Variants in UNK observed in about 807,000 individuals in gnomAD.
UNK encodes unk zinc finger.
UNK carries 32 observed loss-of-function variants against 97.6 expected under a neutral mutation model. The ratio of observed to expected loss-of-function variants is 0.33; its 90% CI spans 0.25 to 0.44. The LOEUF (loss-of-function observed/expected upper bound fraction) is 0.44, where lower values mean the gene tolerates loss of function less well. UNK is among the 20% of genes least tolerant of loss of function. UNK has a pLI of 1.00. For missense variants in UNK, 771 were observed against 1,098.4 expected, an observed-to-expected ratio of 0.70 and a Z score of 4.21; for synonymous variants, 441 against 461.2, an observed-to-expected ratio of 0.96 and a Z score of 0.56.
chr17:75,810,002 C>T (rs764182249), intron 2 of UNK, 33 bp downstream of exon 2: 36 of 1,609,616 alleles, frequency 2.2e-5, no homozygotes, highest in South Asian at 1.5e-4. Flanking sequence ...AGAGGAGCCC[C>T]GTGTCTCCTT....
At position 75,816,986 on chromosome 17, in the gene UNK, GC is replaced by G; in HGVS notation, c.1104+76del. 6.6e-7 allele frequency: 1 copy of G among 1,505,636 alleles called. No individual in the cohort carries two copies. The highest frequency in any genetic ancestry group is 1.2e-5 in the South Asian group (1 of 80,122). 93.3% of individuals were successfully genotyped at this position (1,505,636 alleles called of 1,614,324 possible). A position where few individuals can be genotyped will look rare whatever the true frequency, so the allele number is the denominator to read the frequency against. ...AATACTTGCCTCCTAGGCCCTTTCA[GC>G]CTGGGCTTGGGAGACCATCCTGGTA... On this transcript the variant is annotated intron_variant, in intron 8 of 15. Coordinates refer to ENST00000589666, the MANE Select transcript of UNK (RefSeq NM_001080419.3). This position sits in a 1 kb window ranked among gnomAD's most constrained non-coding sequence, Gnocchi z 4.0.
At chr17:75,810,824 C>A (rs761239493) in intron 2 of UNK, among the ~76,000 whole-genome samples, 8 of 152,090 alleles carry the variant, frequency 5.3e-5, no homozygotes, top group Middle Eastern at 3.4e-3. Flanking sequence ...TTAGTAGAGA[C>A]AGGGTTTCAC....
intron 1 of UNK, chr17:75,792,037 T>C: frequency 1.0e-6 from 1 of 985,438 alleles, no homozygotes; most frequent in Non-Finnish European, 1.2e-6. Flanking sequence ...CTCTTTCCTG[T>C]GTGTCTTAGA....
intron 1 of UNK, among the ~76,000 whole-genome samples, chr17:75,798,781 TG>T (rs962031974): frequency 6.6e-6 from 1 of 152,018 alleles, no homozygotes; most frequent in African/African-American, 2.4e-5. Flanking sequence ...TAAAGAGGGT[TG>T]CTTGCTGGGC....
intron 14 of UNK, 116 bp from the exon 15 acceptor site, chr17:75,823,149 A>T (rs2062084333): frequency 6.8e-7 from 1 of 1,469,356 alleles, no homozygotes; most frequent in Admixed American, 2.5e-5. Flanking sequence ...CCTCCCAGAG[A>T]GCCAACCCAG....
Position 75,812,121 on chromosome 17 carries a change from C to T in UNK, c.324C>T (p.Phe108=). 6.2e-7 allele frequency: 1 copy of T among 1,605,880 alleles called. No homozygotes were observed. Among genetic ancestry groups the T allele is most frequent in the South Asian group, 1.1e-5 (1 of 89,950 alleles). Reference sequence around the variant, plus strand: ...CACTACCGTGTTCCAGGTGCCCATTCCTGCACAGAACCACAGGGGACACTG... The same window carrying T: ...CACTACCGTGTTCCAGGTGCCCATTTCTGCACAGAACCACAGGGGACACTG... ...GLCPEGDECP[F]LHRTTGDTER... Residue 108 remains phenylalanine (F), a synonymous_variant, in exon 3 of 16, where the codon TTC becomes TTT. Transcript: ENST00000589666.
Position 75,824,277 on chromosome 17 carries a change from C to CCTTA in UNK, c.2293_2294insCTTA (p.Gln765ProfsTer2). 1 of 1,599,946 alleles carries CCTTA rather than the reference C, an allele frequency of 6.3e-7. No homozygotes were observed. The highest frequency in any genetic ancestry group is 8.5e-7 in the Non-Finnish European group (1 of 1,173,538). ...TTCCCTGCAGGCCGTGTTCCACATG[C>CCTTA]AGTCGGTGAAATGCCTTAAGTGTCA... On this transcript the variant is annotated stop_gained and frameshift_variant, in exon 16 of 16. Coordinates refer to ENST00000589666, the MANE Select transcript of UNK (RefSeq NM_001080419.3). LOFTEE classifies it high-confidence loss of function. This position sits in a 1 kb window ranked among gnomAD's most constrained non-coding sequence, Gnocchi z 4.9.
Position 75,818,133 on chromosome 17 carries a change from A to T in UNK, c.1336A>T (p.Arg446Trp). The T allele has an allele frequency of 6.2e-7, 1 of 1,613,516 alleles. No individual in the cohort carries two copies. Among genetic ancestry groups the T allele is most frequent in the Non-Finnish European group, 8.5e-7 (1 of 1,179,770 alleles). Residue 446 changes from arginine to tryptophan, a missense_variant, in exon 10 of 16, where the codon AGG (arginine) becomes TGG (tryptophan). By Grantham distance (101) the Arg-to-Trp change is moderately radical. Around this residue, in one of 5 missense-constraint regions of UNK, gnomAD observed 192 missense variants for 202.4 expected, o/e 0.95. Transcript: ENST00000589666. The surrounding 1 kb of genome is among the most constrained non-coding windows in gnomAD (Gnocchi z 5.1). ...AKLKPHSLEP[R>W]SQEQPLLQPK... ...ATTAAAACCCCACTCATTAGAGCCCAGGAGTCAAGAGCAGCCTCTGCTTCA... is the reference window on the plus strand; with the variant it reads ...ATTAAAACCCCACTCATTAGAGCCCTGGAGTCAAGAGCAGCCTCTGCTTCA...
At chr17:75,809,700 G>T in intron 1 of UNK, 60 bp from the exon 2 acceptor site, 1 of 1,533,520 alleles carries the variant, frequency 6.5e-7, no homozygotes, top group South Asian at 1.2e-5. Flanking sequence ...ACTTCTTGCT[G>T]GGAAGCAAGA....
chr17:75,812,451 C>A lies in UNK; in HGVS notation c.492-4C>A, dbSNP rs757252841. ...ACCCTCTCTGTTCTTTCCTCTCCTC[C>A]CAGGGAGCTTCAGGCCATGGAGGCC... On this transcript the variant is annotated splice_region_variant and splice_polypyrimidine_tract_variant and intron_variant, in intron 3 of 15. Transcript: ENST00000589666. The A allele has an allele frequency of 1.3e-5, 21 of 1,610,278 alleles. No individual in the cohort carries two copies. Among genetic ancestry groups the A allele is most frequent in the Admixed American group, 1.7e-5 (1 of 59,664 alleles).
chr17:75,820,139 C>T (rs2062053906), intron 13 of UNK, 31 bp downstream of exon 13: 18 of 1,584,152 alleles, frequency 1.1e-5, no homozygotes, highest in Non-Finnish European at 1.5e-5. Flanking sequence ...CTCAGGAGAA[C>T]TGGGGCAGGA....
intron 3 of UNK, 35 bp from the exon 4 acceptor site, chr17:75,812,420 C>G (rs2061977464): frequency 6.3e-7 from 1 of 1,598,140 alleles, no homozygotes; most frequent in South Asian, 1.1e-5. Flanking sequence ...CTCATGCCCC[C>G]TCTCCACCCT....
chr17:75,797,471 G>T (rs2061816848), intron 1 of UNK, among the ~76,000 whole-genome samples: 1 of 152,258 alleles, frequency 6.6e-6, no homozygotes, highest in Non-Finnish European at 1.5e-5. Flanking sequence ...CTGACCTCAG[G>T]CGATCCGCCC....
In UNK at chr17:75,809,749, T is replaced by C; in HGVS notation, c.105-11T>C. 3 of 1,596,778 alleles carry C rather than the reference T, an allele frequency of 1.9e-6. No individual in the cohort carries two copies. The highest frequency in any genetic ancestry group is 2.6e-6 in the Non-Finnish European group (3 of 1,172,230). On this transcript the variant is annotated splice_polypyrimidine_tract_variant and intron_variant, in intron 1 of 15. Coordinates refer to ENST00000589666, the MANE Select transcript of UNK (RefSeq NM_001080419.3). Reference sequence around the variant, plus strand: ...GCTCCCGGCCTGCCCCACGCGGGGCTCTCTCTGCAGGTACCTGAAAGAATT... The same window carrying C: ...GCTCCCGGCCTGCCCCACGCGGGGCCCTCTCTGCAGGTACCTGAAAGAATT...
chr17:75,807,386 A>T (rs1322912350), intron 1 of UNK, among the ~76,000 whole-genome samples: 1 of 152,222 alleles, frequency 6.6e-6, no homozygotes, highest in African/African-American at 2.4e-5. Context: ...CAACATAACA[A>T]GACCCTGTCT....
intron 1 of UNK, chr17:75,785,922 G>C (rs184274615): frequency 1.3e-5 from 2 of 152,164 alleles, no homozygotes; most frequent in African/African-American, 2.4e-5. Context: ...CCAGCTGCGA[G>C]AGGTTTTGGA....
At chr17:75,789,397 C>T (rs1446558889) in intron 1 of UNK, among the ~76,000 whole-genome samples, 5 of 151,994 alleles carry the variant, frequency 3.3e-5, no homozygotes, top group South Asian at 2.1e-4. Context: ...AGTGCAGTGG[C>T]GCGATCTCGG....
chr17:75,795,540 A>C (rs999402616), intron 1 of UNK, among the ~76,000 whole-genome samples: 6 of 152,044 alleles, frequency 3.9e-5, no homozygotes, highest in Admixed American at 3.3e-4. Flanking sequence ...GGGTTTCGCT[A>C]TGTTGGCCAG....
At chr17:75,791,254 T>C (rs1292095901) in intron 1 of UNK, among the ~76,000 whole-genome samples, 1 of 152,250 alleles carries the variant, frequency 6.6e-6, no homozygotes, top group Non-Finnish European at 1.5e-5. Context: ...ACTGGTTTCC[T>C]GGGCATCGAA....
Sources: gnomAD v4.1 joint callset for allele counts (sites outside exome capture counted in the v4.1 genomes callset) on GRCh38, gnomAD v4.1.1 for gene constraint, gnomAD v4.1.1 regional missense constraint, Gnocchi (gnomAD v3.1) non-coding constraint, MANE v1.5 for transcripts, NCBI Gene and HGNC (gene_info 2026-07-23, HGNC 2026-07-21) for gene names.